Variants in PHACTR2 observed in about 807,000 individuals in gnomAD.
PHACTR2 encodes the protein chromosome 6 open reading frame 56.
A neutral mutation model predicts 76.0 loss-of-function variants in PHACTR2; 30 were observed. The observed-to-expected ratio is 0.39, with a 90% CI of 0.30 to 0.54. The LOEUF is 0.54. Ranked by LOEUF, PHACTR2 falls within the 20% of genes least tolerant of loss-of-function variation. PHACTR2 has a pLI of 0.61. For synonymous variants in PHACTR2, 292 were observed against 292.5 expected, an observed-to-expected ratio of 1.00 and a Z score of 0.02; for missense variants, 696 against 781.1, an observed-to-expected ratio of 0.89 and a Z score of 1.30.
intron 1 of PHACTR2, among the ~76,000 whole-genome samples, chr6:143,609,405 TATA>T (rs1395462173): frequency 1.1e-5 from 1 of 93,614 alleles, no homozygotes; most frequent in Admixed American, 9.6e-5. Flanking sequence ...AGTGGAACAG[TATA>T]ATATCAGGGA....
rs779610956 is a variant in PHACTR2 at position 143,750,621 on chromosome 6, G to C, written c.295+1556G>C. 2.0e-5 allele frequency among the ~76,000 whole-genome samples: 3 copies of C among 152,130 alleles called. No individual in the cohort carries two copies. Among genetic ancestry groups the C allele is most frequent in the African/African-American group, 7.2e-5 (3 of 41,434 alleles). ...TAATTAAAATTTGTAGGTAGAAAAAGAATTTGCTCTGTCTGAAAACCAAGT... is the reference window on the plus strand; with the variant it reads ...TAATTAAAATTTGTAGGTAGAAAAACAATTTGCTCTGTCTGAAAACCAAGT... On this transcript the variant is annotated intron_variant, in intron 3 of 12. Coordinates refer to ENST00000440869, the MANE Select transcript of PHACTR2 (RefSeq NM_001100164.2). This position sits in a 1 kb window ranked among gnomAD's most constrained non-coding sequence, Gnocchi z 4.6.
intron 1 of PHACTR2, among the ~76,000 whole-genome samples, chr6:143,575,463 G>A (rs923495510): frequency 3.9e-5 from 6 of 152,144 alleles, no homozygotes; most frequent in Non-Finnish European, 7.4e-5. Flanking sequence ...CAAAACGCCA[G>A]TTTAGAGGAT....
chr6:143,741,827 C>A (rs577069621), intron 2 of PHACTR2, among the ~76,000 whole-genome samples: 1 of 152,086 alleles, frequency 6.6e-6, no homozygotes, highest in African/African-American at 2.4e-5. Flanking sequence ...TGAGGCTGGG[C>A]GCAGTGGCTC....
rs1362899657 is a variant in PHACTR2, at chr6:143,553,172, G to T, written c.217+15965G>T. Among the ~76,000 whole-genome samples, 1 of 152,200 alleles carries T rather than the reference G, an allele frequency of 6.6e-6. No individual in the cohort carries two copies. The highest frequency in any genetic ancestry group is 2.4e-5 in the African/African-American group (1 of 41,454). ...CTGAGTCTCTATTATGTGCCAGTGA[G>T]AAAACAAAAATCCAGCTCATAGAGA... is the stretch of plus-strand genomic sequence containing the variant. On this transcript the variant is annotated intron_variant, in intron 1 of 11. Coordinates refer to the PHACTR2 transcript ENST00000367584. This position sits in a 1 kb window ranked among gnomAD's most constrained non-coding sequence, Gnocchi z 4.2.
In PHACTR2 at chr6:143,743,411, G is replaced by A. The variant is rs1778987747; in HGVS notation, c.215-5574G>A. Among the ~76,000 whole-genome samples, 1 of 152,178 alleles carries A rather than the reference G, an allele frequency of 6.6e-6. No individual in the cohort carries two copies. Among genetic ancestry groups the A allele is most frequent in the African/African-American group, 2.4e-5 (1 of 41,440 alleles). ...CCACAGACTGTAGAATTCTTTAGTA[G>A]GGGAGTGGCTGGAGCAGATAAACAA... On this transcript the variant is annotated intron_variant, in intron 2 of 12. Coordinates refer to ENST00000440869, the MANE Select transcript of PHACTR2 (RefSeq NM_001100164.2). This position sits in a 1 kb window ranked among gnomAD's most constrained non-coding sequence, Gnocchi z 5.0.
rs1005166220 is a variant in PHACTR2 at position 143,602,381 on chromosome 6, T to C, written c.217+65174T>C. On this transcript the variant is annotated intron_variant, in intron 1 of 11. Transcript: ENST00000367584. This position sits in a 1 kb window ranked among gnomAD's most constrained non-coding sequence, Gnocchi z 6.1. ...TTTATAAAGCCATGGCTCCTGGAACTAAGGCATCAGCCATTTGTTTTTCCA... is the reference window on the plus strand; with the variant it reads ...TTTATAAAGCCATGGCTCCTGGAACCAAGGCATCAGCCATTTGTTTTTCCA... 6.6e-6 allele frequency among the ~76,000 whole-genome samples: 1 copy of C among 152,228 alleles called. No homozygotes were observed. The highest frequency in any genetic ancestry group is 1.5e-5 in the Non-Finnish European group (1 of 68,036).
At chr6:143,655,799 A>T (rs1436450911) in intron 1 of PHACTR2, among the ~76,000 whole-genome samples, 1 of 152,236 alleles carries the variant, frequency 6.6e-6, no homozygotes, top group Non-Finnish European at 1.5e-5. Flanking sequence ...CTCCATACAC[A>T]TGAAAGTTCT....
intron 1 of PHACTR2, among the ~76,000 whole-genome samples, chr6:143,566,667 A>G (rs1244320874): frequency 6.6e-6 from 1 of 152,036 alleles, no homozygotes; most frequent in Non-Finnish European, 1.5e-5. Context: ...TCCCTCATGC[A>G]CATGGTCCCT....
At position 143,779,434 on chromosome 6, in the gene PHACTR2, C is replaced by T. The variant is rs773261015; in HGVS notation, c.1645+2051C>T. 6.6e-5 allele frequency among the ~76,000 whole-genome samples: 10 copies of T among 151,924 alleles called. No homozygotes were observed. The South Asian group carries it at 8.3e-4, about 13-fold the overall frequency. On this transcript the variant is annotated intron_variant, in intron 9 of 12. Transcript: ENST00000440869. ...GCACTATCTCGGCTCACTGCAACCCCGCCTCCTGGGTTCAAGTGATTTTCC... is the reference window on the plus strand; with the variant it reads ...GCACTATCTCGGCTCACTGCAACCCTGCCTCCTGGGTTCAAGTGATTTTCC...
intron 2 of PHACTR2, among the ~76,000 whole-genome samples, chr6:143,713,703 T>C (rs74957359): frequency 0.02 from 3,058 of 152,274 alleles, 42 homozygotes; most frequent in Non-Finnish European, 0.031. Flanking sequence ...CTGATTCTGT[T>C]GTTGGTCTCC....
rs2128426498 is a variant in PHACTR2, at chr6:143,543,007, T to C, written c.217+5800T>C. Among the ~76,000 whole-genome samples, 1 of 152,284 alleles carries C rather than the reference T, an allele frequency of 6.6e-6. No individual in the cohort carries two copies. The highest frequency in any genetic ancestry group is 1.9e-4 in the East Asian group (1 of 5,188). Reference sequence around the variant, plus strand: ...CAGGTACTGTTCCAGGCACTGGGCATACAAAGGTGAGCAGATGTGATTCTG... The same window carrying C: ...CAGGTACTGTTCCAGGCACTGGGCACACAAAGGTGAGCAGATGTGATTCTG... On this transcript the variant is annotated intron_variant, in intron 1 of 11. Coordinates refer to the PHACTR2 transcript ENST00000367584. The surrounding 1 kb of genome is among the most constrained non-coding windows in gnomAD (Gnocchi z 4.7).
intron 2 of PHACTR2, 66 bp downstream of exon 2, chr6:143,712,249 A>G: frequency 2.7e-6 from 3 of 1,117,890 alleles, no homozygotes; most frequent in Non-Finnish European, 2.4e-6. Flanking sequence ...GTAGAAAATT[A>G]TGTTTTACAG....
rs11155315 is a variant in PHACTR2 at position 143,654,020 on chromosome 6, A to G, written c.13+45698A>G. 0.22 allele frequency among the ~76,000 whole-genome samples: 33,174 copies of G among 152,158 alleles called. 3,705 individuals carry two copies. Among genetic ancestry groups the G allele is most frequent in the East Asian group, 0.38 (1,979 of 5,160 alleles). On this transcript the variant is annotated intron_variant, in intron 1 of 11. Coordinates refer to the PHACTR2 transcript ENST00000305766. The surrounding 1 kb of genome is among the most constrained non-coding windows in gnomAD (Gnocchi z 4.6). ...ACAATTACAATGCAATAATAAAAAG[A>G]CAAATACTCCAATGTTCAAATGGGC...
rs1485197263 is a variant in PHACTR2, at chr6:143,805,420, A to G, written c.1846-1637A>G. Among the ~76,000 whole-genome samples the G allele has an allele frequency of 3.4e-5, 5 of 148,862 alleles. No homozygotes were observed. In the East Asian group the frequency reaches 1.0e-3, roughly 31 times the overall value. ...CTTGAACCTGGGAGGCGGAGGTTGC[A>G]GTGAGCCAAGATCGTACCACTGCAC... On this transcript the variant is annotated intron_variant, in intron 11 of 12. Coordinates refer to ENST00000440869, the MANE Select transcript of PHACTR2 (RefSeq NM_001100164.2).
rs1267199159 is a variant in PHACTR2, at chr6:143,757,894, A to G, written c.455-2507A>G. ...AAATTTCAGACAAAAGGAGTTTATA[A>G]TTCAGTCAAAAAATTATACTATTTG... On this transcript the variant is annotated intron_variant, in intron 4 of 12. Transcript: ENST00000440869. The surrounding 1 kb of genome is among the most constrained non-coding windows in gnomAD (Gnocchi z 4.2). 6.6e-6 allele frequency among the ~76,000 whole-genome samples: 1 copy of G among 152,126 alleles called. No individual in the cohort carries two copies. Among genetic ancestry groups the G allele is most frequent in the Non-Finnish European group, 1.5e-5 (1 of 68,024 alleles).
At position 143,609,618 on chromosome 6, in the gene PHACTR2, T is replaced by C. The variant is rs77259732; in HGVS notation, c.13+1296T>C. Among the ~76,000 whole-genome samples the C allele has an allele frequency of 6.2e-3, 945 of 152,228 alleles. 21 individuals carry two copies. The East Asian group carries it at 0.091, about 15-fold the overall frequency. On this transcript the variant is annotated intron_variant, in intron 1 of 11. Coordinates refer to the PHACTR2 transcript ENST00000305766. ...ACAATTTGAAGATCAACCAAAAGCT[T>C]CTCTAATTACAGTGGTAGAGTGAGT...
In PHACTR2 at chr6:143,546,087, C is replaced by T. The variant is rs774517683; in HGVS notation, c.217+8880C>T. 5.3e-5 allele frequency among the ~76,000 whole-genome samples: 8 copies of T among 152,006 alleles called. No homozygotes were observed. Among genetic ancestry groups the T allele is most frequent in the Non-Finnish European group, 8.8e-5 (6 of 67,998 alleles). Reference sequence around the variant, plus strand: ...AAGTGTAGTTTCGGTTACAGTGAAACTCAGGAAAAAACATTGAAGCAGCTT... The same window carrying T: ...AAGTGTAGTTTCGGTTACAGTGAAATTCAGGAAAAAACATTGAAGCAGCTT... On this transcript the variant is annotated intron_variant, in intron 1 of 11. Transcript: ENST00000367584. This position sits in a 1 kb window ranked among gnomAD's most constrained non-coding sequence, Gnocchi z 4.9.
rs1333794651 is a variant in PHACTR2 at position 143,556,008 on chromosome 6, C to A, written c.217+18801C>A. Among the ~76,000 whole-genome samples, 5 of 142,218 alleles carry A rather than the reference C, an allele frequency of 3.5e-5. No homozygotes were observed. Among genetic ancestry groups the A allele is most frequent in the Admixed American group, 7.1e-5 (1 of 14,052 alleles). 93.3% of individuals were successfully genotyped at this position (142,218 alleles called of 152,430 possible). The stretch of plus-strand genomic sequence containing the variant: ...CACAATTAATTTTTTTAAAAAGAAA[C>A]AGAAAAAAAACAAAAAGAAAAGAGA... On this transcript the variant is annotated intron_variant, in intron 1 of 11. Coordinates refer to the PHACTR2 transcript ENST00000367584. The surrounding 1 kb of genome is among the most constrained non-coding windows in gnomAD (Gnocchi z 4.3).
intron 1 of PHACTR2, among the ~76,000 whole-genome samples, chr6:143,628,382 T>C (rs560955652): frequency 1.3e-5 from 2 of 152,362 alleles, no homozygotes; most frequent in South Asian, 4.1e-4. Context: ...AGCAGTCTAG[T>C]GTCAGCAGGG....
Sources: allele counts gnomAD v4.1 joint callset (sites outside exome capture counted in the v4.1 genomes callset), GRCh38; gene constraint gnomAD v4.1.1; non-coding constraint Gnocchi (gnomAD v3.1); transcripts MANE v1.5; gene names NCBI Gene and HGNC (gene_info 2026-07-23, HGNC 2026-07-21).